The following EXOC2 variants were observed in gnomAD, a reference collection of about 807,000 sequenced individuals.
EXOC2 encodes exocyst complex component 2, also known as SEC5-like 1.
Under a neutral mutation model 131.8 loss-of-function variants are expected in EXOC2, and 70 were observed. That is an observed-to-expected ratio of 0.53 (90% CI 0.44 to 0.65). The LOEUF is 0.65. Among genes scored for constraint, EXOC2 ranks in the 30% least tolerant of loss-of-function variants. The probability of loss-of-function intolerance (pLI) is 0.00; values close to 1 mark genes in which losing one functional copy is unlikely to be tolerated. For missense variants in EXOC2, 923 were observed against 1,108.6 expected (o/e 0.83, Z 2.38); for synonymous variants, 411 against 398.4 (o/e 1.03, Z -0.38).
Position 586,099 on chromosome 6 carries a change from G to C in EXOC2, c.1192+6370C>G, listed in dbSNP as rs958643668. 2.0e-5 allele frequency among the ~76,000 whole-genome samples: 3 copies of C among 152,164 alleles called. No homozygotes were observed. The East Asian group carries it at 5.8e-4, about 29-fold the overall frequency. ...AGATCATTTGTAAGCAATTTCTTAC[G>C]GTAGTAATTGTGTTTTCAAATGCTC... On this transcript the variant is annotated intron_variant, in intron 11 of 27. Coordinates refer to ENST00000230449, the MANE Select transcript of EXOC2 (RefSeq NM_018303.6).
chr6:622,928 C>T lies in EXOC2; in HGVS notation c.423-3385G>A, dbSNP rs182748901. On this transcript the variant is annotated intron_variant, in intron 4 of 27. Coordinates refer to ENST00000230449, the MANE Select transcript of EXOC2 (RefSeq NM_018303.6). ...AAATCTAAACTGCTCTCAGTTATAT[C>T]ATAACATAAAGGCCTGATGTCTAGT... 1.7e-3 allele frequency among the ~76,000 whole-genome samples: 266 copies of T among 152,284 alleles called. 1 individual carries two copies. Among genetic ancestry groups the T allele is most frequent in the Admixed American group, 3.5e-3 (54 of 15,304 alleles).
chr6:606,131 G>A (rs1760397391), intron 7 of EXOC2, among the ~76,000 whole-genome samples: 1 of 152,164 alleles, frequency 6.6e-6, no homozygotes, highest in South Asian at 2.1e-4. Flanking sequence ...CATGGATGAA[G>A]CTGGAAACCA....
chr6:573,484 C>T (rs904555383), intron 12 of EXOC2, among the ~76,000 whole-genome samples: 4 of 152,122 alleles, frequency 2.6e-5, no homozygotes, highest in African/African-American at 9.7e-5. Flanking sequence ...AGCACAATGA[C>T]GCCGCGGATC....
chr6:604,802 G>C (rs913914880), intron 7 of EXOC2, among the ~76,000 whole-genome samples: 2 of 151,062 alleles, frequency 1.3e-5, no homozygotes, highest in African/African-American at 4.9e-5. Flanking sequence ...GCCCCGCGGG[G>C]ACACACCTGC....
intron 22 of EXOC2, among the ~76,000 whole-genome samples, chr6:544,377 T>A (rs368270522): frequency 6.6e-6 from 1 of 152,178 alleles, no homozygotes; most frequent in Non-Finnish European, 1.5e-5. Context: ...CCTTCCTGTT[T>A]GAACAAGAAA....
rs768534782 is a variant in EXOC2 at position 486,634 on chromosome 6, G to A, written c.*37C>T. On this transcript the variant is annotated 3_prime_UTR_variant, in exon 28 of 28. Coordinates refer to ENST00000230449, the MANE Select transcript of EXOC2 (RefSeq NM_018303.6). ...CTTAGAGAGTGAACAGTCTTATTAC[G>A]TGTTATTTTCCTGGACTTCTTTTAT... 4.8e-5 allele frequency: 73 copies of A among 1,528,996 alleles called. No homozygotes were observed. The highest frequency in any genetic ancestry group is 8.4e-5 in the Admixed American group (5 of 59,818). 94.7% of individuals were successfully genotyped at this position (1,528,996 alleles called of 1,614,324 possible).
intron 1 of EXOC2, chr6:679,591 T>C (rs2127795394): frequency 6.6e-6 from 1 of 152,268 alleles, no homozygotes; most frequent in South Asian, 2.1e-4. Context: ...TCTTGAAAAG[T>C]GAACAATGAC....
At chr6:659,679 AGGG>A (rs1763323761) in intron 1 of EXOC2, among the ~76,000 whole-genome samples, 1 of 152,150 alleles carries the variant, frequency 6.6e-6, no homozygotes, top group Non-Finnish European at 1.5e-5. Context: ...AGCGAAACAC[AGGG>A]GTAGAGGCAG....
At chr6:621,516 C>T (rs181652254) in intron 4 of EXOC2, among the ~76,000 whole-genome samples, 1 of 152,226 alleles carries the variant, frequency 6.6e-6, no homozygotes, top group African/African-American at 2.4e-5. Flanking sequence ...CAGGACAGGG[C>T]GTCCCATTCA....
rs1469224261 is a variant in EXOC2, at chr6:637,745, G to A, written c.74C>T (p.Thr25Ile). ...PNEGIPWTKV[T>I]IRGENLGTGP... ...AGTCCCCAGATTTTCTCCCCTGATT[G>A]TGACCTTCGTCCATGGTATCCCTTC... The change falls in exon 2 of 28, where the codon ACA becomes ATA. Residue 25 changes from threonine to isoleucine, a missense_variant. Coordinates refer to ENST00000230449, the MANE Select transcript of EXOC2 (RefSeq NM_018303.6). The A allele has an allele frequency of 1.2e-6, 2 of 1,613,748 alleles. No individual in the cohort carries two copies. The highest frequency in any genetic ancestry group is 1.7e-6 in the Non-Finnish European group (2 of 1,179,896).
intron 17 of EXOC2, among the ~76,000 whole-genome samples, chr6:561,075 T>C (rs572820673): frequency 1.3e-5 from 2 of 152,312 alleles, no homozygotes; most frequent in Non-Finnish European, 2.9e-5. Flanking sequence ...TTAAAAATAA[T>C]AAACTTCCCT....
At chr6:610,287 T>G (rs1269717105) in intron 6 of EXOC2, 109 bp from the exon 7 acceptor site, 4 of 977,900 alleles carry the variant, frequency 4.1e-6, no homozygotes, top group Non-Finnish European at 6.2e-6. Flanking sequence ...TTATTTTCAC[T>G]GCTGAAAAGC....
intron 1 of EXOC2, among the ~76,000 whole-genome samples, chr6:677,441 A>G (rs531852358): frequency 6.6e-6 from 1 of 152,382 alleles, no homozygotes; most frequent in East Asian, 1.9e-4. Flanking sequence ...AAACAATACC[A>G]ATTACATTAG....
intron 1 of EXOC2, among the ~76,000 whole-genome samples, chr6:648,072 A>C (rs1762661004): frequency 6.6e-6 from 1 of 152,202 alleles, no homozygotes; most frequent in Admixed American, 6.5e-5. Context: ...CCATTATGCC[A>C]GGAAGACCTG....
At chr6:619,399 C>T (rs561719514) in intron 5 of EXOC2, 31 bp downstream of exon 5, 2 of 1,546,888 alleles carry the variant, frequency 1.3e-6, no homozygotes, top group Admixed American at 1.7e-5. Flanking sequence ...GAGTGAAACC[C>T]TTCACAGTTG....
chr6:615,838 G>T (rs755056888), intron 6 of EXOC2, among the ~76,000 whole-genome samples: 1 of 152,176 alleles, frequency 6.6e-6, no homozygotes, highest in East Asian at 1.9e-4. Context: ...AATTTTATTT[G>T]AATCTTGATT....
At position 564,075 on chromosome 6, in the gene EXOC2, G is replaced by T. The variant is rs370825321; in HGVS notation, c.1747C>A (p.Arg583=). 9 of 1,613,966 alleles carry T rather than the reference G, an allele frequency of 5.6e-6. No individual in the cohort carries two copies. The highest frequency in any genetic ancestry group is 3.3e-5 in the Admixed American group (2 of 59,980). ...AACGTGGCCATTACGCAACGTACTC[G>T]GAGATCCAAGATGAGATCCTGGATA... is the stretch of plus-strand genomic sequence containing the variant. The part of the protein sequence containing the change: ...QTIQDLILDL[R]VRCVMATLQH... Residue 583 remains arginine, a synonymous_variant, in exon 16 of 28, where the codon CGA becomes AGA. Coordinates refer to ENST00000230449, the MANE Select transcript of EXOC2 (RefSeq NM_018303.6).
intron 8 of EXOC2, 39 bp from the exon 9 acceptor site, chr6:598,980 G>A: frequency 1.3e-6 from 2 of 1,569,544 alleles, no homozygotes; most frequent in Non-Finnish European, 1.7e-6. Context: ...TGTCAGTAAT[G>A]CAAAATGAAG....
At chr6:662,037 C>T (rs1763444402) in intron 1 of EXOC2, among the ~76,000 whole-genome samples, 1 of 152,152 alleles carries the variant, frequency 6.6e-6, no homozygotes, top group Non-Finnish European at 1.5e-5. Context: ...TTTAAAGCAA[C>T]AGCAGTTAAA....
Sources: gnomAD v4.1 joint callset for allele counts (sites outside exome capture counted in the v4.1 genomes callset) on GRCh38, gnomAD v4.1.1 for gene constraint, MANE v1.5 for transcripts, NCBI Gene and HGNC (gene_info 2026-07-23, HGNC 2026-07-21) for gene names.